The following FAM81A variants were observed in gnomAD, a reference collection of about 807,000 sequenced individuals.
FAM81A encodes the protein family with sequence similarity 81 member A.
Under a neutral mutation model 46.7 loss-of-function variants are expected in FAM81A, and 19 were observed. The observed-to-expected ratio is 0.41, with a 90% CI of 0.28 to 0.60. The LOEUF (loss-of-function observed/expected upper bound fraction) is 0.60. Among genes scored for constraint, FAM81A ranks in the 20% least tolerant of loss-of-function variants. The pLI is 0.34. For synonymous variants in FAM81A, 183 were observed against 152.9 expected (o/e 1.20, Z -1.45); for missense variants, 377 against 453.5 (o/e 0.83, Z 1.53).
chr15:59,457,117 A>G (rs1247157352), intron 1 of FAM81A, among the ~76,000 whole-genome samples: 1 of 152,228 alleles, frequency 6.6e-6, no homozygotes, highest in Non-Finnish European at 1.5e-5. Context: ...GTCCCCCCTT[A>G]TCGATGGTTT....
intron 7 of FAM81A, among the ~76,000 whole-genome samples, chr15:59,516,107 C>T (rs2082263409): frequency 6.6e-6 from 1 of 151,196 alleles, no homozygotes; most frequent in Admixed American, 6.6e-5. Flanking sequence ...CTTGTACTTA[C>T]ATCTCATTGA....
intron 2 of FAM81A, among the ~76,000 whole-genome samples, chr15:59,409,394 C>T (rs1412763888): frequency 6.6e-6 from 1 of 152,194 alleles, no homozygotes; most frequent in Non-Finnish European, 1.5e-5. Context: ...ATCCCTCTTC[C>T]ATCCAGAGAG....
chr15:59,399,321 CA>C (rs1291243092), intron 1 of FAM81A, among the ~76,000 whole-genome samples: 1 of 152,126 alleles, frequency 6.6e-6, no homozygotes, highest in African/African-American at 2.4e-5. Flanking sequence ...AGAGCTTAGC[CA>C]AATGGTCTCA....
At chr15:59,421,439 G>A (rs1308558669) in intron 2 of FAM81A, among the ~76,000 whole-genome samples, 3 of 152,130 alleles carry the variant, frequency 2.0e-5, no homozygotes, top group Non-Finnish European at 4.4e-5. Flanking sequence ...TAGCAGGAGC[G>A]TATATACGAC....
rs775795435 is a variant in FAM81A at position 59,459,919 on chromosome 15, G to C, written c.21-14G>C. 6.3e-7 allele frequency: 1 copy of C among 1,579,136 alleles called. No individual in the cohort carries two copies. The highest frequency in any genetic ancestry group is 1.1e-5 in the South Asian group (1 of 87,088). ...TTTTTCCCAATTAACAACCCTCATGGTTCCCTTCTGCAGGCGAGTGAGAAC... is the reference window on the plus strand; with the variant it reads ...TTTTTCCCAATTAACAACCCTCATGCTTCCCTTCTGCAGGCGAGTGAGAAC... On this transcript the variant is annotated splice_polypyrimidine_tract_variant and intron_variant, in intron 2 of 8. Coordinates refer to ENST00000288228, the MANE Select transcript of FAM81A (RefSeq NM_152450.3).
At chr15:59,489,768 T>A (rs1207987611) in intron 3 of FAM81A, among the ~76,000 whole-genome samples, 2 of 152,028 alleles carry the variant, frequency 1.3e-5, no homozygotes, top group Admixed American at 1.3e-4. Flanking sequence ...TACAGTAAAA[T>A]CCTTTTTGAA....
At position 59,458,535 on chromosome 15, in the gene FAM81A, T is replaced by A. The variant is rs949855843; in HGVS notation, c.-77-15T>A. On this transcript the variant is annotated splice_polypyrimidine_tract_variant and intron_variant, in intron 1 of 8. Transcript: ENST00000288228. Reference sequence around the variant, plus strand: ...TATAAACTGTTAAATAATTTAGTGCTTATTTTTTCAACAGATGTGAATTAT... The same window carrying A: ...TATAAACTGTTAAATAATTTAGTGCATATTTTTTCAACAGATGTGAATTAT... 1.3e-6 allele frequency: 2 copies of A among 1,589,670 alleles called. No individual in the cohort carries two copies. Among genetic ancestry groups the A allele is most frequent in the Non-Finnish European group, 1.7e-6 (2 of 1,161,534 alleles).
At chr15:59,497,981 T>C (rs139793841) in intron 4 of FAM81A, among the ~76,000 whole-genome samples, 2,650 of 152,312 alleles carry the variant, frequency 0.017, 94 homozygotes, top group African/African-American at 0.061. Flanking sequence ...CTCAGCTTCC[T>C]GAGTAGCTGG....
chr15:59,401,291 A>C lies in FAM81A; in HGVS notation c.-160-985A>C, dbSNP rs569503528. ...TTGGTAACCTGGGCATATTTTCCCC[A>C]AATAACTGCCGCCTTGCATCACAAG... is the stretch of plus-strand genomic sequence containing the variant. On this transcript the variant is annotated intron_variant, in intron 1 of 4. Transcript: ENST00000558348. The C allele has an allele frequency of 1.0e-5, 9 of 902,032 alleles. No individual in the cohort carries two copies. In the African/African-American group the frequency reaches 1.5e-4, roughly 15 times the overall value. 55.9% of individuals were successfully genotyped at this position (902,032 alleles called of 1,614,324 possible).
chr15:59,520,563 AT>A (rs71119482), intron 8 of FAM81A, among the ~76,000 whole-genome samples: 50,367 of 122,068 alleles, frequency 0.41, 10,467 homozygotes, highest in Non-Finnish European at 0.54. Flanking sequence ...TGTTTGCTTC[AT>A]TTTTTTTTTT....
At chr15:59,428,570 T>C (rs1277047858) in intron 2 of FAM81A, among the ~76,000 whole-genome samples, 1 of 150,406 alleles carries the variant, frequency 6.6e-6, no homozygotes, top group Non-Finnish European at 1.5e-5. Flanking sequence ...CCATGGTTCC[T>C]TTCATATTAC....
intron 4 of FAM81A, among the ~76,000 whole-genome samples, chr15:59,502,064 C>T (rs2082096752): frequency 6.6e-6 from 1 of 151,758 alleles, no homozygotes; most frequent in East Asian, 1.9e-4. Flanking sequence ...CAATTGTTAA[C>T]AATATGTCAC....
intron 6 of FAM81A, among the ~76,000 whole-genome samples, chr15:59,513,156 C>T (rs1190593711): frequency 2.0e-5 from 3 of 151,928 alleles, no homozygotes; most frequent in African/African-American, 7.3e-5. Flanking sequence ...CAGGTATGGA[C>T]AGTTATAAGG....
At chr15:59,431,120 G>T (rs771911694) in intron 2 of FAM81A, among the ~76,000 whole-genome samples, 29 of 152,094 alleles carry the variant, frequency 1.9e-4, no homozygotes, top group Non-Finnish European at 4.3e-4. Flanking sequence ...ACAGGTGAGG[G>T]CACTACTTAA....
At chr15:59,499,085 T>G (rs532011914) in intron 4 of FAM81A, among the ~76,000 whole-genome samples, 1 of 152,336 alleles carries the variant, frequency 6.6e-6, no homozygotes, top group East Asian at 1.9e-4. Flanking sequence ...ATCAAATGCT[T>G]TTTTTCCACC....
chr15:59,460,877 T>A lies in FAM81A; in HGVS notation c.294+671T>A, dbSNP rs1319483522. Among the ~76,000 whole-genome samples the A allele has an allele frequency of 6.6e-6, 1 of 152,214 alleles. No individual in the cohort carries two copies. The highest frequency in any genetic ancestry group is 2.4e-5 in the African/African-American group (1 of 41,468). On this transcript the variant is annotated intron_variant, in intron 3 of 8. Transcript: ENST00000288228. This position sits in a 1 kb window ranked among gnomAD's most constrained non-coding sequence, Gnocchi z 4.4. ...CACATGTAATGACTGAATATATGAA[T>A]ACTAATAGATATATGGCTAGATTAA...
intron 4 of FAM81A, among the ~76,000 whole-genome samples, chr15:59,493,361 G>A (rs1055646671): frequency 6.6e-6 from 1 of 152,170 alleles, no homozygotes; most frequent in East Asian, 1.9e-4. Flanking sequence ...GGAACAGGTT[G>A]ATCACTCTCC....
intron 4 of FAM81A, among the ~76,000 whole-genome samples, chr15:59,505,161 G>C (rs550269017): frequency 6.6e-4 from 100 of 152,098 alleles, no homozygotes; most frequent in African/African-American, 2.4e-3. Flanking sequence ...TTCTGAGTGA[G>C]TTCCTTGCTA....
chr15:59,476,898 G>C (rs1484124383), intron 3 of FAM81A, among the ~76,000 whole-genome samples: 1 of 151,178 alleles, frequency 6.6e-6, no homozygotes, highest in Non-Finnish European at 1.5e-5. Context: ...AAGGTGGGCA[G>C]ATCATGAGAT....
Sources: gnomAD v4.1 joint callset for allele counts (sites outside exome capture counted in the v4.1 genomes callset) on GRCh38, gnomAD v4.1.1 for gene constraint, Gnocchi (gnomAD v3.1) non-coding constraint, MANE v1.5 for transcripts, NCBI Gene and HGNC (gene_info 2026-07-23, HGNC 2026-07-21) for gene names.